Variants in PEX5L observed in about 807,000 individuals in gnomAD.
The protein encoded by PEX5L is peroxisomal biogenesis factor 5 like, also known as PEX5-related protein.
PEX5L carries 30 observed loss-of-function variants against 84.0 expected under a neutral mutation model. The ratio of observed to expected loss-of-function variants is 0.36; its 90% CI spans 0.27 to 0.48. The LOEUF is 0.48. Ranked by LOEUF, PEX5L falls within the 20% of genes least tolerant of loss-of-function variation. PEX5L has a pLI of 0.99. For synonymous variants in PEX5L, 270 were observed against 283.1 expected (o/e 0.95, Z 0.46); for missense variants, 533 against 754.6 (o/e 0.71, Z 3.44).
intron 2 of PEX5L, among the ~76,000 whole-genome samples, chr3:179,944,492 C>A (rs9811879): frequency 5.3e-5 from 8 of 152,126 alleles, no homozygotes; most frequent in Non-Finnish European, 2.9e-5. Context: ...GAGGAATAAA[C>A]GAAATGCCTG....
intron 2 of PEX5L, among the ~76,000 whole-genome samples, chr3:179,950,459 A>T (rs1015781521): frequency 2.0e-5 from 3 of 152,262 alleles, no homozygotes; most frequent in African/African-American, 7.2e-5. Context: ...ACATGTATAC[A>T]TATGTAACAA....
chr3:179,877,705 G>T (rs1037905942), intron 5 of PEX5L, among the ~76,000 whole-genome samples: 2 of 152,076 alleles, frequency 1.3e-5, no homozygotes, highest in Non-Finnish European at 1.5e-5. Context: ...CACTCCTCCT[G>T]CCTCAGCCTT....
chr3:180,007,030 G>T (rs1437741968), intron 1 of PEX5L, among the ~76,000 whole-genome samples: 4 of 152,090 alleles, frequency 2.6e-5, no homozygotes, highest in African/African-American at 9.7e-5. Flanking sequence ...ACTCATTTCG[G>T]CATTAACCCA....
intron 2 of PEX5L, among the ~76,000 whole-genome samples, chr3:179,946,219 C>T (rs1195169962): frequency 3.3e-5 from 5 of 152,086 alleles, no homozygotes; most frequent in Non-Finnish European, 7.4e-5. Flanking sequence ...TAATCTTGAG[C>T]TTCAATCCAG....
chr3:179,847,722 G>GTT (rs1419157916), intron 8 of PEX5L, among the ~76,000 whole-genome samples: 1 of 151,384 alleles, frequency 6.6e-6, no homozygotes, highest in Non-Finnish European at 1.5e-5. Flanking sequence ...GACAAGTTTT[G>GTT]TTTTTTTTGA....
At chr3:179,891,057 A>G (rs1398390411) in intron 3 of PEX5L, among the ~76,000 whole-genome samples, 1 of 151,432 alleles carries the variant, frequency 6.6e-6, no homozygotes. Flanking sequence ...AGATTTACTC[A>G]GCATACAAAT....
intron 2 of PEX5L, among the ~76,000 whole-genome samples, chr3:179,898,810 G>C (rs965438914): frequency 1.3e-5 from 2 of 152,022 alleles, no homozygotes; most frequent in Non-Finnish European, 2.9e-5. Context: ...GTTTTGTGGA[G>C]ATGGTATAAA....
intron 1 of PEX5L, among the ~76,000 whole-genome samples, chr3:180,010,712 T>C (rs1036524171): frequency 6.6e-6 from 1 of 151,944 alleles, no homozygotes; most frequent in Non-Finnish European, 1.5e-5. Flanking sequence ...ATCAATCTCA[T>C]ACATTTATCT....
chr3:180,023,905 C>A (rs961419080), intron 1 of PEX5L, among the ~76,000 whole-genome samples: 25 of 151,038 alleles, frequency 1.7e-4, no homozygotes, highest in Admixed American at 1.6e-3. Flanking sequence ...TAGAGGAGAC[C>A]CCCTTCAAAG....
chr3:180,010,078 G>C (rs1008862349), intron 1 of PEX5L, among the ~76,000 whole-genome samples: 11 of 151,704 alleles, frequency 7.3e-5, no homozygotes, highest in Admixed American at 7.2e-4. Context: ...CGAATAGCTG[G>C]GACTACAGGC....
intron 1 of PEX5L, among the ~76,000 whole-genome samples, chr3:180,009,734 A>G (rs776734473): frequency 7.9e-5 from 12 of 151,664 alleles, no homozygotes; most frequent in Admixed American, 2.0e-4. Flanking sequence ...TTTTCTTTTC[A>G]ACACTTGTCA....
intron 8 of PEX5L, 127 bp downstream of exon 8, chr3:179,858,935 T>G (rs1745000494): frequency 1.6e-6 from 1 of 644,774 alleles, no homozygotes; most frequent in East Asian, 2.7e-5. Context: ...ATTTTGACAA[T>G]CATAATCATG....
intron 5 of PEX5L, among the ~76,000 whole-genome samples, chr3:179,876,199 A>T (rs1232733986): frequency 6.6e-6 from 1 of 152,200 alleles, no homozygotes; most frequent in Non-Finnish European, 1.5e-5. Context: ...TTTTTAGTTT[A>T]TAAAAAGATC....
chr3:179,797,889 TACA>T lies in PEX5L; in HGVS notation c.*3936_*3938del, dbSNP rs1216595908. ...GATATAAAACAACAACCACCACTGC[TACA>T]ACAACTAGCTTAAAGTACAGTCCAA... is the stretch of plus-strand genomic sequence containing the variant. On this transcript the variant is annotated 3_prime_UTR_variant, in exon 15 of 15. Transcript: ENST00000467460. 2 of 152,122 alleles carry T rather than the reference TACA, an allele frequency of 1.3e-5. No individual in the cohort carries two copies. Among genetic ancestry groups the T allele is most frequent in the African/African-American group, 2.4e-5 (1 of 41,420 alleles). 9.4% of individuals were successfully genotyped at this position (152,122 alleles called of 1,614,324 possible).
chr3:179,963,035 A>T (rs887303286), intron 2 of PEX5L, among the ~76,000 whole-genome samples: 1 of 152,232 alleles, frequency 6.6e-6, no homozygotes, highest in Non-Finnish European at 1.5e-5. Flanking sequence ...GAATATTAAT[A>T]TCTTAAAGTA....
intron 1 of PEX5L, among the ~76,000 whole-genome samples, chr3:180,009,563 AT>A (rs1453677828): frequency 1.3e-5 from 2 of 150,606 alleles, no homozygotes; most frequent in Admixed American, 6.6e-5. Flanking sequence ...TACTGAAAAA[AT>A]TTTTTTCTTT....
chr3:179,923,290 CAAA>C (rs34537913), intron 2 of PEX5L, among the ~76,000 whole-genome samples: 1 of 81,132 alleles, frequency 1.2e-5, no homozygotes. Context: ...GACTCCATCT[CAAA>C]AAAAAAAAAA....
chr3:179,868,042 C>CTTTT lies in PEX5L; in HGVS notation c.726+6281_726+6284dup, dbSNP rs71628101. Among the ~76,000 whole-genome samples the CTTTT allele has an allele frequency of 2.8e-3, 320 of 116,258 alleles. 2 individuals are homozygous for CTTTT. The highest frequency in any genetic ancestry group is 8.0e-3 in the African/African-American group (251 of 31,350). The allele number at this position is 116,258 out of a possible 152,430, so 76.3% of individuals were successfully genotyped here. A position where few individuals can be genotyped will look rare whatever the true frequency, so the allele number is the denominator to read the frequency against. Reference sequence around the variant, plus strand: ...TTATGTATTTATTCTTCTTCTTCTTCTTTTTTTTTTTTTTTTTTTTTAGAG... The same window carrying CTTTT: ...TTATGTATTTATTCTTCTTCTTCTTCTTTTTTTTTTTTTTTTTTTTTTTTTAGAG... On this transcript the variant is annotated intron_variant, in intron 7 of 14. Transcript: ENST00000467460.
chr3:179,968,883 A>G (rs924853903), intron 2 of PEX5L, among the ~76,000 whole-genome samples: 14 of 152,276 alleles, frequency 9.2e-5, no homozygotes, highest in Admixed American at 3.3e-4. Flanking sequence ...TAAAGAATAG[A>G]ACCTTACACA....
Sources: allele counts gnomAD v4.1 joint callset (sites outside exome capture counted in the v4.1 genomes callset), GRCh38; gene constraint gnomAD v4.1.1; transcripts MANE v1.5; gene names NCBI Gene and HGNC (gene_info 2026-07-23, HGNC 2026-07-21).